ANKS1A: variants seen among roughly 807,000 people sequenced by gnomAD.
The protein encoded by ANKS1A is ankyrin repeat and sterile alpha motif domain containing 1A, also known as ankyrin repeat and SAM domain-containing protein 1A.
Under a neutral mutation model 120.3 loss-of-function variants are expected in ANKS1A, and 55 were observed. The ratio of observed to expected loss-of-function variants is 0.46; its 90% CI spans 0.37 to 0.57. The LOEUF (loss-of-function observed/expected upper bound fraction) is 0.57. Ranked by LOEUF, ANKS1A falls within the 20% of genes least tolerant of loss-of-function variation. The pLI, the probability that ANKS1A is intolerant of heterozygous loss-of-function variation, is 0.00. For missense variants in ANKS1A, 1,123 were observed against 1,480.3 expected (o/e 0.76, Z 3.96); for synonymous variants, 590 against 604.7 (o/e 0.98, Z 0.36).
chr6:34,966,540 A>G (rs1184456523), intron 1 of ANKS1A, among the ~76,000 whole-genome samples: 2 of 152,236 alleles, frequency 1.3e-5, no homozygotes, highest in Non-Finnish European at 2.9e-5. Context: ...AAGTTTGCAG[A>G]AACAGAAATA....
At position 35,079,455 on chromosome 6, in the gene ANKS1A, C is replaced by G; in HGVS notation, c.2284-61C>G. On this transcript the variant is annotated intron_variant, in intron 14 of 23. Transcript: ENST00000360359. The stretch of plus-strand genomic sequence containing the variant: ...TGTGTGAGCTGGCTGGGTCCATGGT[C>G]CTCGGGTCCCTCTCCTGTGAGTGCT... The G allele has an allele frequency of 3.1e-6, 5 of 1,596,602 alleles. No individual in the cohort carries two copies. In the Admixed American group the frequency reaches 8.4e-5, roughly 27 times the overall value.
At chr6:35,025,669 TCCTC>T (rs1035730877) in intron 11 of ANKS1A, among the ~76,000 whole-genome samples, 2 of 152,188 alleles carry the variant, frequency 1.3e-5, no homozygotes, top group Non-Finnish European at 2.9e-5. Context: ...CTTTTTTTCT[TCCTC>T]CCTACTTTTC....
Position 34,889,299 on chromosome 6 carries a change from C to T in ANKS1A, c.-104C>T, listed in dbSNP as rs1055649442. 5.7e-6 allele frequency: 7 copies of T among 1,218,818 alleles called. No homozygotes were observed. The highest frequency in any genetic ancestry group is 3.2e-4 in the Middle Eastern group (1 of 3,126). The allele number at this position is 1,218,818 out of a possible 1,614,324, so 75.5% of individuals were successfully genotyped here. A position where few individuals can be genotyped will look rare whatever the true frequency, so the allele number is the denominator to read the frequency against. ...AAAGGCAGGGAGGGGGTGGTGTCCCCAGCCGGTTTGGGGGGTGCGTTGCCC... is the reference window on the plus strand; with the variant it reads ...AAAGGCAGGGAGGGGGTGGTGTCCCTAGCCGGTTTGGGGGGTGCGTTGCCC... On this transcript the variant is annotated 5_prime_UTR_variant, in exon 1 of 24. Transcript: ENST00000360359. This position sits in a 1 kb window ranked among gnomAD's most constrained non-coding sequence, Gnocchi z 5.5.
At position 35,060,228 on chromosome 6, in the gene ANKS1A, A is replaced by G. The variant is rs1484779784; in HGVS notation, c.2159A>G (p.Asn720Ser). The G allele has an allele frequency of 4.3e-6, 7 of 1,612,396 alleles. No homozygotes were observed. In the South Asian group the frequency reaches 7.7e-5, roughly 18 times the overall value. The change falls in exon 13 of 24, where the codon AAT (asparagine) becomes AGT (serine). Residue 720 changes from asparagine to serine, a missense_variant. By Grantham distance (46) the Asn-to-Ser change is conservative. Around this residue, in one of 3 missense-constraint regions of ANKS1A, gnomAD observed 904 missense variants for 1,130.4 expected, o/e 0.80. Coordinates refer to ENST00000360359, the MANE Select transcript of ANKS1A (RefSeq NM_015245.3). The surrounding 1 kb of genome is among the most constrained non-coding windows in gnomAD (Gnocchi z 4.5). ...LQQYESKLLL[N>S]GFDDVHFLGS... is the part of the protein sequence containing the mutation. ...CAGTATGAGAGCAAGTTGCTTCTGA[A>G]TGGCTTTGACGATGTCCACTTCCTG...
chr6:35,086,136 C>T lies in ANKS1A; in HGVS notation c.3303+200C>T. 8.5e-7 allele frequency: 1 copy of T among 1,176,222 alleles called. No individual in the cohort carries two copies. Among genetic ancestry groups the T allele is most frequent in the Admixed American group, 2.3e-5 (1 of 42,820 alleles). The allele number at this position is 1,176,222 out of a possible 1,614,324, so 72.9% of individuals were successfully genotyped here. A position where few individuals can be genotyped will look rare whatever the true frequency, so the allele number is the denominator to read the frequency against. On this transcript the variant is annotated intron_variant, in intron 22 of 23. Transcript: ENST00000360359. This position sits in a 1 kb window ranked among gnomAD's most constrained non-coding sequence, Gnocchi z 5.1. Reference sequence around the variant, plus strand: ...GCTCCTCTGGCCTGGGCGGGCCTCTCATGCTCCTGTTTCCCTCCCTCGCTG... The same window carrying T: ...GCTCCTCTGGCCTGGGCGGGCCTCTTATGCTCCTGTTTCCCTCCCTCGCTG...
At chr6:35,073,683 C>T (rs1304236948) in intron 13 of ANKS1A, among the ~76,000 whole-genome samples, 2 of 152,268 alleles carry the variant, frequency 1.3e-5, no homozygotes, top group African/African-American at 2.4e-5. Context: ...CCTTTATTCA[C>T]TTCCTAATTA....
intron 13 of ANKS1A, among the ~76,000 whole-genome samples, chr6:35,077,716 C>T (rs1362688924): frequency 2.0e-5 from 3 of 152,220 alleles, no homozygotes; most frequent in Admixed American, 1.3e-4. Flanking sequence ...CCAGGGTCCC[C>T]TCTTAGCTCC....
chr6:34,909,788 G>A (rs1441464383), intron 1 of ANKS1A, among the ~76,000 whole-genome samples: 1 of 152,196 alleles, frequency 6.6e-6, no homozygotes, highest in East Asian at 1.9e-4. Context: ...AGGTCTGGGT[G>A]GAGTATTAGA....
intron 2 of ANKS1A, 140 bp from the exon 3 acceptor site, chr6:34,969,870 C>A: frequency 1.1e-6 from 1 of 918,966 alleles, no homozygotes; most frequent in South Asian, 1.8e-5. Context: ...AAAGGAAAAG[C>A]TGGGGTGGTG....
At chr6:34,915,770 G>A (rs1020298003) in intron 1 of ANKS1A, among the ~76,000 whole-genome samples, 1 of 152,138 alleles carries the variant, frequency 6.6e-6, no homozygotes, top group African/African-American at 2.4e-5. Context: ...AAGGCTTGCT[G>A]TACTTCCATT....
chr6:34,979,525 A>G (rs770874983), intron 3 of ANKS1A, among the ~76,000 whole-genome samples: 3 of 152,208 alleles, frequency 2.0e-5, no homozygotes, highest in African/African-American at 7.2e-5. Flanking sequence ...TGCCTTTAGC[A>G]GGGCAGCTTT....
At chr6:35,012,898 T>G (rs953869786) in intron 10 of ANKS1A, among the ~76,000 whole-genome samples, 1 of 152,088 alleles carries the variant, frequency 6.6e-6, no homozygotes, top group African/African-American at 2.4e-5. Flanking sequence ...GGGCAGACTG[T>G]GGGGAGGGCA....
intron 10 of ANKS1A, among the ~76,000 whole-genome samples, chr6:35,012,665 A>G (rs924176307): frequency 1.3e-5 from 2 of 152,240 alleles, no homozygotes; most frequent in African/African-American, 4.8e-5. Flanking sequence ...AGCCCTTGAG[A>G]TCCCATAGCT....
chr6:35,028,374 A>G (rs770981080), intron 11 of ANKS1A, among the ~76,000 whole-genome samples: 2 of 151,044 alleles, frequency 1.3e-5, no homozygotes, highest in Admixed American at 6.6e-5. Context: ...CCTCAAGGTC[A>G]TAGGCTGTTT....
At chr6:34,902,802 C>CAAA in intron 1 of ANKS1A, among the ~76,000 whole-genome samples, 1 of 75,294 alleles carries the variant, frequency 1.3e-5, no homozygotes, top group Non-Finnish European at 3.0e-5. Flanking sequence ...GACTCCGTCT[C>CAAA]AAAAAAAAAA....
At chr6:35,027,137 G>A (rs1189045377) in intron 11 of ANKS1A, among the ~76,000 whole-genome samples, 2 of 152,156 alleles carry the variant, frequency 1.3e-5, no homozygotes, top group African/African-American at 4.8e-5. Context: ...AAATTACTAA[G>A]ACCAGAAGAT....
downstream of ANKS1A, among the ~76,000 whole-genome samples, chr6:35,092,323 T>G (rs1327036310): frequency 6.6e-6 from 1 of 152,180 alleles, no homozygotes; most frequent in Non-Finnish European, 1.5e-5. Flanking sequence ...GAAAATTCAC[T>G]TATCTAGTTC....
At chr6:35,021,590 A>G (rs908985696) in intron 11 of ANKS1A, among the ~76,000 whole-genome samples, 1 of 152,218 alleles carries the variant, frequency 6.6e-6, no homozygotes, top group Non-Finnish European at 1.5e-5. Context: ...AGTTCCTAGC[A>G]TGCATAAAGT....
chr6:35,097,586 C>A, the ANKS1A span, among the ~76,000 whole-genome samples: 2 of 148,760 alleles, frequency 1.3e-5, 1 homozygote, highest in South Asian at 4.3e-4. Context: ...GTTTCTCTGT[C>A]CAGCATAAAA....
Sources: allele counts gnomAD v4.1 joint callset (sites outside exome capture counted in the v4.1 genomes callset), GRCh38; gene constraint gnomAD v4.1.1; regional missense constraint gnomAD v4.1.1; non-coding constraint Gnocchi (gnomAD v3.1); transcripts MANE v1.5; gene names NCBI Gene and HGNC (gene_info 2026-07-23, HGNC 2026-07-21).